The following TACC2 variants were observed in gnomAD, a reference collection of about 807,000 sequenced individuals.
TACC2 encodes the protein transforming acidic coiled-coil containing protein 2, also known as transforming acidic coiled-coil-containing protein 2.
In TACC2, 137 loss-of-function variants were observed where a neutral mutation model predicts 227.3. That is an observed-to-expected ratio of 0.60 (90% CI 0.52 to 0.69). The LOEUF (loss-of-function observed/expected upper bound fraction) is 0.69. Among genes scored for constraint, TACC2 ranks in the 30% least tolerant of loss-of-function variants. The probability of loss-of-function intolerance (pLI) is 0.00; values close to 1 mark genes in which losing one functional copy is unlikely to be tolerated. For missense variants in TACC2, 3,470 were observed against 3,694.4 expected (o/e 0.94, Z 1.57); for synonymous variants, 1,523 against 1,487.5 (o/e 1.02, Z -0.55).
chr10:122,037,880 A>G (rs546673317), intron 2 of TACC2, among the ~76,000 whole-genome samples: 75 of 152,278 alleles, frequency 4.9e-4, no homozygotes, highest in African/African-American at 1.8e-3. Context: ...CTGGGAGGCC[A>G]GAGGCTCCCA....
chr10:122,075,344 G>T (rs939954708), intron 3 of TACC2, among the ~76,000 whole-genome samples: 2 of 129,932 alleles, frequency 1.5e-5, no homozygotes, highest in Non-Finnish European at 3.7e-5. Flanking sequence ...GAAGGATGGG[G>T]AAGGCTGGCC....
chr10:122,031,634 A>C (rs559991882), intron 2 of TACC2, among the ~76,000 whole-genome samples: 1 of 151,654 alleles, frequency 6.6e-6, no homozygotes, highest in East Asian at 2.0e-4. Flanking sequence ...CGATCTCCTG[A>C]CCTTGTGATC....
intron 2 of TACC2, among the ~76,000 whole-genome samples, chr10:122,038,185 T>C (rs1415304937): frequency 6.6e-6 from 1 of 151,946 alleles, no homozygotes; most frequent in Non-Finnish European, 1.5e-5. Context: ...ACTTAAGCCC[T>C]TGGGGGAGAG....
intron 7 of TACC2, chr10:122,163,460 C>T: frequency 1.7e-6 from 1 of 596,744 alleles, no homozygotes; most frequent in Non-Finnish European, 2.1e-6. Flanking sequence ...GGGGCCGGGG[C>T]AGAGGGAGGG....
At chr10:122,017,168 G>C (rs74158480) in intron 1 of TACC2, among the ~76,000 whole-genome samples, 11,117 of 152,154 alleles carry the variant, frequency 0.073, 762 homozygotes, top group African/African-American at 0.18. Flanking sequence ...GAGCATTCGC[G>C]CTCTCACAGA....
chr10:122,062,064 G>A (rs78966281), intron 3 of TACC2, among the ~76,000 whole-genome samples: 15,850 of 121,428 alleles, frequency 0.13, 1,095 homozygotes, highest in Admixed American at 0.25. Flanking sequence ...ACGGAGTCTC[G>A]CTCTGTCACC....
chr10:122,155,978 C>T (rs2092442991), intron 7 of TACC2, among the ~76,000 whole-genome samples: 1 of 151,360 alleles, frequency 6.6e-6, no homozygotes, highest in Non-Finnish European at 1.5e-5. Context: ...GCTGGGACTA[C>T]AGGCGCCCGC....
intron 7 of TACC2, among the ~76,000 whole-genome samples, chr10:122,153,735 G>A (rs1049188025): frequency 3.9e-5 from 6 of 152,194 alleles, no homozygotes; most frequent in African/African-American, 1.4e-4. Flanking sequence ...TCGATGTTAT[G>A]GAAGAGGAAC....
intron 7 of TACC2, among the ~76,000 whole-genome samples, chr10:122,177,768 G>A (rs2093792488): frequency 6.6e-6 from 1 of 152,208 alleles, no homozygotes; most frequent in Admixed American, 6.5e-5. Context: ...GTACAGGGGC[G>A]AAACTTGGGA....
intron 3 of TACC2, among the ~76,000 whole-genome samples, chr10:122,073,138 T>A (rs1410632930): frequency 3.4e-4 from 31 of 91,136 alleles, no homozygotes; most frequent in African/African-American, 1.0e-3. Context: ...TATATATATA[T>A]ATATATATAT....
intron 3 of TACC2, among the ~76,000 whole-genome samples, chr10:122,068,656 T>G (rs993688031): frequency 1.6e-5 from 2 of 124,354 alleles, no homozygotes; most frequent in African/African-American, 5.7e-5. Flanking sequence ...GCTGTGAGGA[T>G]TGCTCCTCCG....
chr10:122,000,553 C>T (rs1044834035), intron 1 of TACC2, among the ~76,000 whole-genome samples: 1 of 152,144 alleles, frequency 6.6e-6, no homozygotes, highest in Non-Finnish European at 1.5e-5. Context: ...GGGCTCTAGT[C>T]ACAAATGAGG....
intron 3 of TACC2, among the ~76,000 whole-genome samples, chr10:122,054,215 C>G (rs1307419553): frequency 6.6e-6 from 1 of 152,206 alleles, no homozygotes; most frequent in Non-Finnish European, 1.5e-5. Flanking sequence ...TTCTGGTTGC[C>G]ACGTGGTGGC....
chr10:122,166,478 A>G (rs2093169074), intron 7 of TACC2, among the ~76,000 whole-genome samples: 1 of 152,066 alleles, frequency 6.6e-6, no homozygotes, highest in Admixed American at 6.5e-5. Flanking sequence ...GGAGTAGCAG[A>G]AGTCCCATGG....
intron 3 of TACC2, among the ~76,000 whole-genome samples, chr10:122,074,162 C>T (rs2078496067): frequency 6.8e-6 from 1 of 147,366 alleles, no homozygotes; most frequent in African/African-American, 2.5e-5. Flanking sequence ...CTCACAGCAA[C>T]CTCTGCCTCC....
intron 2 of TACC2, among the ~76,000 whole-genome samples, chr10:122,037,074 AC>A: frequency 6.6e-6 from 1 of 152,320 alleles, no homozygotes; most frequent in African/African-American, 2.4e-5. Context: ...GACCTGGTGT[AC>A]TAAGGAGACA....
In TACC2 at chr10:122,086,326, C is replaced by T; in HGVS notation, c.3826C>T (p.Leu1276Phe). Residue 1276 changes from leucine (L) to phenylalanine (F), a missense_variant, in exon 4 of 23, where the codon CTT (leucine) becomes TTT (phenylalanine). By Grantham distance (22) the Leu-to-Phe change is conservative. This residue lies in a region of TACC2 where 1,924 missense variants were observed against 1,978.3 expected (regional missense o/e 0.97). Coordinates refer to ENST00000369005, the MANE Select transcript of TACC2 (RefSeq NM_206862.4). ...ESPCPVGEPP[L>F]ALENAASLKL... is the part of the protein sequence containing the mutation. ...CCCCTGTCCTGTAGGGGAGCCCCCA[C>T]TTGCCTTGGAAAATGCTGCCTCCTT... 2 of 1,613,876 alleles carry T rather than the reference C, an allele frequency of 1.2e-6. No individual in the cohort carries two copies. Among genetic ancestry groups the T allele is most frequent in the Non-Finnish European group, 1.7e-6 (2 of 1,180,028 alleles).
Position 122,227,832 on chromosome 10 carries a change from C to A in TACC2, c.7725-5C>A. Reference sequence around the variant, plus strand: ...CTAAAGAAAGATGCCCTTTGCTTCCCCCAGGTCAAGTTTTGAAGAGACTGA... The same window carrying A: ...CTAAAGAAAGATGCCCTTTGCTTCCACCAGGTCAAGTTTTGAAGAGACTGA... On this transcript the variant is annotated splice_region_variant and splice_polypyrimidine_tract_variant and intron_variant, in intron 13 of 22. Coordinates refer to ENST00000369005, the MANE Select transcript of TACC2 (RefSeq NM_206862.4). 1 of 1,605,376 alleles carries A rather than the reference C, an allele frequency of 6.2e-7. No individual in the cohort carries two copies. Among genetic ancestry groups the A allele is most frequent in the Non-Finnish European group, 8.5e-7 (1 of 1,174,920 alleles).
intron 3 of TACC2, among the ~76,000 whole-genome samples, chr10:122,058,423 A>T (rs2076426263): frequency 1.3e-5 from 2 of 151,944 alleles, no homozygotes; most frequent in Non-Finnish European, 2.9e-5. Flanking sequence ...ATATTTATTT[A>T]TTTAGAGACG....
Sources: gnomAD v4.1 joint callset for allele counts (sites outside exome capture counted in the v4.1 genomes callset) on GRCh38, gnomAD v4.1.1 for gene constraint, gnomAD v4.1.1 regional missense constraint, MANE v1.5 for transcripts, NCBI Gene and HGNC (gene_info 2026-07-23, HGNC 2026-07-21) for gene names.